Variants in SCAMP1 observed in about 807,000 individuals in gnomAD.
SCAMP1 encodes secretory carrier-associated membrane protein 1.
A neutral mutation model predicts 41.8 loss-of-function variants in SCAMP1; 15 were observed. That is an observed-to-expected ratio of 0.36 (90% confidence interval 0.24 to 0.55). SCAMP1 has a LOEUF of 0.55. SCAMP1 is among the 20% of genes least tolerant of loss of function. SCAMP1 has a pLI of 0.86. For missense variants in SCAMP1, 341 were observed against 412.6 expected, an observed-to-expected ratio of 0.83 and a Z score of 1.50; for synonymous variants, 135 against 136.8, an observed-to-expected ratio of 0.99 and a Z score of 0.09.
chr5:78,423,015 C>T (rs1176473970), intron 6 of SCAMP1, among the ~76,000 whole-genome samples: 31 of 10,004 alleles, frequency 3.1e-3, no homozygotes, highest in African/African-American at 0.016. Flanking sequence ...CACGCGCGCG[C>T]GCACACACAC....
At chr5:78,457,727 C>G (rs1273706928) in intron 7 of SCAMP1, 1 of 153,486 alleles carries the variant, frequency 6.5e-6, no homozygotes, top group African/African-American at 2.4e-5. Context: ...TTCGAGCTTC[C>G]CGGCTGCTTT....
At chr5:78,429,980 A>G (rs530109825) in intron 6 of SCAMP1, among the ~76,000 whole-genome samples, 134 of 151,742 alleles carry the variant, frequency 8.8e-4, no homozygotes, top group African/African-American at 2.9e-3. Context: ...TGTTACATGT[A>G]ACAATGATTT....
At chr5:78,402,708 A>G (rs1345334149) in intron 2 of SCAMP1, among the ~76,000 whole-genome samples, 2 of 152,186 alleles carry the variant, frequency 1.3e-5, no homozygotes, top group Non-Finnish European at 2.9e-5. Context: ...CTTATAGACA[A>G]CATATAGTTG....
intron 6 of SCAMP1, among the ~76,000 whole-genome samples, chr5:78,441,580 G>A (rs1353789664): frequency 4.6e-5 from 7 of 152,164 alleles, no homozygotes; most frequent in African/African-American, 7.2e-5. Context: ...TTGGGAGGCC[G>A]AGGCAGGCGG....
intron 6 of SCAMP1, among the ~76,000 whole-genome samples, chr5:78,428,108 C>T (rs1752511804): frequency 6.6e-6 from 1 of 151,988 alleles, no homozygotes; most frequent in South Asian, 2.1e-4. Flanking sequence ...GATCCTTTTG[C>T]ATAACCCATG....
At chr5:78,412,584 A>G (rs1486899998) in intron 2 of SCAMP1, among the ~76,000 whole-genome samples, 1 of 152,102 alleles carries the variant, frequency 6.6e-6, no homozygotes, top group African/African-American at 2.4e-5. Context: ...GTAAATTCCA[A>G]TTTTGGTATT....
Position 78,463,357 on chromosome 5 carries a change from G to A in SCAMP1, c.852+3995G>A, listed in dbSNP as rs140407072. Among the ~76,000 whole-genome samples, 21 of 152,166 alleles carry A rather than the reference G, an allele frequency of 1.4e-4. No individual in the cohort carries two copies. The East Asian group carries it at 3.3e-3, about 24-fold the overall frequency. On this transcript the variant is annotated intron_variant, in intron 8 of 8. Coordinates refer to ENST00000621999, the MANE Select transcript of SCAMP1 (RefSeq NM_004866.6). ...ATAAATTAAGGTCTTAAATGTAATC[G>A]GCTCTTTGTGCTATGCAGTCATTTT...
rs537461643 is a variant in SCAMP1, at chr5:78,413,446, C to A, written c.136-2074C>A. Among the ~76,000 whole-genome samples, 493 of 143,652 alleles carry A rather than the reference C, an allele frequency of 3.4e-3. 5 individuals carry two copies. Among genetic ancestry groups the A allele is most frequent in the African/African-American group, 0.012 (472 of 38,074 alleles). 94.2% of individuals were successfully genotyped at this position (143,652 alleles called of 152,430 possible). Reference sequence around the variant, plus strand: ...CTTTTTTTTTTTTTTGAGATAGACTCTCACTCTGTAGCCCAAGTTGGAGTG... The same window carrying A: ...CTTTTTTTTTTTTTTGAGATAGACTATCACTCTGTAGCCCAAGTTGGAGTG... On this transcript the variant is annotated intron_variant, in intron 2 of 8. Coordinates refer to ENST00000621999, the MANE Select transcript of SCAMP1 (RefSeq NM_004866.6).
chr5:78,463,594 G>A (rs529546804), intron 8 of SCAMP1, among the ~76,000 whole-genome samples: 9 of 152,206 alleles, frequency 5.9e-5, no homozygotes, highest in South Asian at 4.2e-4. Context: ...CCTTTTGAAC[G>A]TTCTGAGTAA....
intron 2 of SCAMP1, among the ~76,000 whole-genome samples, chr5:78,407,339 G>C (rs1580670710): frequency 6.6e-6 from 1 of 152,150 alleles, no homozygotes; most frequent in East Asian, 1.9e-4. Flanking sequence ...TGCATTATCA[G>C]TTATTTTCTC....
chr5:78,438,158 A>C (rs1015169734), intron 6 of SCAMP1, among the ~76,000 whole-genome samples: 1 of 152,168 alleles, frequency 6.6e-6, no homozygotes, highest in African/African-American at 2.4e-5. Flanking sequence ...TCTTTTCAAA[A>C]AACCAGCTCC....
chr5:78,453,571 C>A (rs1013498768), intron 7 of SCAMP1, among the ~76,000 whole-genome samples: 52 of 151,306 alleles, frequency 3.4e-4, no homozygotes, highest in African/African-American at 1.3e-3. Context: ...CAGTACCATG[C>A]TGTTTTGGTT....
At chr5:78,429,029 C>A (rs1185170751) in intron 6 of SCAMP1, among the ~76,000 whole-genome samples, 2 of 152,204 alleles carry the variant, frequency 1.3e-5, no homozygotes, top group African/African-American at 2.4e-5. Flanking sequence ...GGTGCACATG[C>A]ATGCTCAAGA....
intron 1 of SCAMP1, among the ~76,000 whole-genome samples, chr5:78,365,786 T>G (rs1222928906): frequency 6.6e-6 from 1 of 152,220 alleles, no homozygotes; most frequent in Non-Finnish European, 1.5e-5. Flanking sequence ...TTTAGTCTAT[T>G]GAAATTTTTT....
Position 78,459,294 on chromosome 5 carries a change from A to G in SCAMP1, c.784A>G (p.Ile262Val), listed in dbSNP as rs780757569. ...TCTCAACCAAAATATTCCTGTTGGA[A>G]TCATGATGATAATCATAGCAGCACT... ...TGLNQNIPVG[I>V]MMIIIAALFT... The change falls in exon 8 of 9, where the codon ATC (isoleucine) becomes GTC (valine). Residue 262 changes from isoleucine (I) to valine (V), a missense_variant. Coordinates refer to ENST00000621999, the MANE Select transcript of SCAMP1 (RefSeq NM_004866.6). The G allele has an allele frequency of 8.7e-6, 14 of 1,608,712 alleles. 1 individual carries two copies. The highest frequency in any genetic ancestry group is 6.7e-5 in the African/African-American group (5 of 74,812).
chr5:78,464,128 C>T (rs1271260133), intron 8 of SCAMP1, among the ~76,000 whole-genome samples: 2 of 143,642 alleles, frequency 1.4e-5, no homozygotes, highest in African/African-American at 5.3e-5. Context: ...CAGGCATGCG[C>T]CACCACACTC....
chr5:78,464,298 C>T (rs1014598875), intron 8 of SCAMP1, among the ~76,000 whole-genome samples: 2 of 152,164 alleles, frequency 1.3e-5, no homozygotes, highest in Non-Finnish European at 2.9e-5. Flanking sequence ...CATGTGCCAC[C>T]ATGCCTGGCT....
intron 2 of SCAMP1, among the ~76,000 whole-genome samples, chr5:78,393,129 T>G (rs1301556635): frequency 6.6e-6 from 1 of 152,192 alleles, no homozygotes; most frequent in Non-Finnish European, 1.5e-5. Flanking sequence ...AATGGAAACC[T>G]TAAGTTATTT....
rs537953856 is a variant in SCAMP1, at chr5:78,363,330, A to G, written c.57+2602A>G. ...TGGGTTCACACCATTCTCCTGCCTC[A>G]GACTCCCAAGTAGCTGGGACTACAG... On this transcript the variant is annotated intron_variant, in intron 1 of 8. Coordinates refer to ENST00000621999, the MANE Select transcript of SCAMP1 (RefSeq NM_004866.6). 3.9e-3 allele frequency among the ~76,000 whole-genome samples: 587 copies of G among 151,534 alleles called. 4 individuals carry two copies. The highest frequency in any genetic ancestry group is 0.013 in the African/African-American group (546 of 41,218).
Sources: gnomAD v4.1 joint callset for allele counts (sites outside exome capture counted in the v4.1 genomes callset) on GRCh38, gnomAD v4.1.1 for gene constraint, MANE v1.5 for transcripts, NCBI Gene and HGNC (gene_info 2026-07-23, HGNC 2026-07-21) for gene names.